Variants in PIK3CB observed in about 807,000 individuals in gnomAD.
The protein encoded by PIK3CB is phosphatidylinositol 4,5-bisphosphate 3-kinase catalytic subunit beta isoform.
PIK3CB carries 39 observed loss-of-function variants against 136.8 expected under a neutral mutation model. The ratio of observed to expected loss-of-function variants is 0.29; its 90% confidence interval spans 0.22 to 0.37. The LOEUF (loss-of-function observed/expected upper bound fraction) is 0.37. Among genes scored for constraint, PIK3CB ranks in the 10% least tolerant of loss-of-function variants. PIK3CB has a pLI of 1.00. For missense variants in PIK3CB, 868 were observed against 1,275.4 expected, an observed-to-expected ratio of 0.68 and a Z score of 4.87; for synonymous variants, 428 against 436.6, an observed-to-expected ratio of 0.98 and a Z score of 0.25.
At chr3:138,719,823 T>C (rs377548150) in intron 8 of PIK3CB, among the ~76,000 whole-genome samples, 15 of 152,280 alleles carry the variant, frequency 9.9e-5, no homozygotes, top group African/African-American at 3.1e-4. Flanking sequence ...TATGATATTA[T>C]ATACTCAACA....
intron 10 of PIK3CB, among the ~76,000 whole-genome samples, chr3:138,709,465 G>A (rs1031661049): frequency 5.3e-5 from 8 of 151,952 alleles, no homozygotes; most frequent in African/African-American, 1.9e-4. Flanking sequence ...AACAGGAATC[G>A]ACATTTGTAT....
intron 21 of PIK3CB, among the ~76,000 whole-genome samples, chr3:138,661,566 A>G (rs1434963697): frequency 2.6e-5 from 4 of 152,270 alleles, no homozygotes; most frequent in Non-Finnish European, 5.9e-5. Flanking sequence ...GTGTAAAAGA[A>G]GAAAATGGAG....
intron 1 of PIK3CB, among the ~76,000 whole-genome samples, chr3:138,817,494 C>A (rs1166282051): frequency 1.3e-5 from 2 of 152,034 alleles, no homozygotes; most frequent in Admixed American, 1.3e-4. Flanking sequence ...CTAGCCTGGG[C>A]AACAAGAGTG....
chr3:138,791,556 T>C (rs2046048044), intron 2 of PIK3CB, among the ~76,000 whole-genome samples: 1 of 152,180 alleles, frequency 6.6e-6, no homozygotes, highest in Non-Finnish European at 1.5e-5. Flanking sequence ...GGCCTGACTC[T>C]GGTCTACAAC....
At chr3:138,749,093 T>C (rs761773635) in intron 4 of PIK3CB, among the ~76,000 whole-genome samples, 4 of 152,298 alleles carry the variant, frequency 2.6e-5, no homozygotes, top group Non-Finnish European at 5.9e-5. Flanking sequence ...TTACTCTAAA[T>C]TAGCTATGAA....
At chr3:138,745,467 T>A (rs2045334826) in intron 4 of PIK3CB, among the ~76,000 whole-genome samples, 1 of 152,096 alleles carries the variant, frequency 6.6e-6, no homozygotes, top group South Asian at 2.1e-4. Flanking sequence ...ACCCCATCTC[T>A]ATTAAAAACA....
At position 138,714,520 on chromosome 3, in the gene PIK3CB, G is replaced by A. The variant is rs143122477; in HGVS notation, c.1250C>T (p.Thr417Met). Reference protein sequence around the residue: ...VLDKVKTKKSTKTINPSKYQT... With the variant: ...VLDKVKTKKSMKTINPSKYQT... ...ATATTTAGAGGGATTAATAGTTTTCGTTGATTTCTTCGTTTTTACTTTATC... is the reference window on the plus strand; with the variant it reads ...ATATTTAGAGGGATTAATAGTTTTCATTGATTTCTTCGTTTTTACTTTATC... Residue 417 changes from threonine to methionine, a missense_variant, in exon 9 of 24, where the codon ACG (threonine) becomes ATG (methionine). Thr to Met is a moderately conservative substitution (Grantham distance 81). Around this residue, in one of 4 missense-constraint regions of PIK3CB, gnomAD observed 612 missense variants for 801.1 expected, o/e 0.76. Coordinates refer to ENST00000674063, the MANE Select transcript of PIK3CB (RefSeq NM_006219.3). 31 of 1,611,746 alleles carry A rather than the reference G, an allele frequency of 1.9e-5. No individual in the cohort carries two copies. The highest frequency in any genetic ancestry group is 4.0e-5 in the African/African-American group (3 of 74,974).
At position 138,733,343 on chromosome 3, in the gene PIK3CB, A is replaced by G; in HGVS notation, c.1050+18T>C. The G allele has an allele frequency of 7.9e-7, 1 of 1,263,332 alleles. No individual in the cohort carries two copies. Among genetic ancestry groups the G allele is most frequent in the Non-Finnish European group, 1.1e-6 (1 of 877,678 alleles). 78.3% of individuals were successfully genotyped at this position (1,263,332 alleles called of 1,614,324 possible). ...ATACTGGAGCGGATGGCAAATTCAA[A>G]TCTTAGTGGGTACTCACTTTTACAG... is the stretch of plus-strand genomic sequence containing the variant. On this transcript the variant is annotated intron_variant, in intron 8 of 23. Coordinates refer to ENST00000674063, the MANE Select transcript of PIK3CB (RefSeq NM_006219.3).
rs557270184 is a variant in PIK3CB, at chr3:138,803,373, T to C, written c.-121-6806A>G. ...ATGAGAAAACATATTTTCCTGTCTT[T>C]ATTTGCATTAGTTTCTAAATCAATA... On this transcript the variant is annotated intron_variant, in intron 1 of 23. Transcript: ENST00000674063. 5.4e-4 allele frequency among the ~76,000 whole-genome samples: 83 copies of C among 152,320 alleles called. 2 individuals carry two copies. In the South Asian group the frequency reaches 0.016, roughly 30 times the overall value.
chr3:138,759,752 G>A (rs1397168404), intron 2 of PIK3CB, among the ~76,000 whole-genome samples: 1 of 152,062 alleles, frequency 6.6e-6, no homozygotes, highest in African/African-American at 2.4e-5. Flanking sequence ...AGGGTCCTAA[G>A]AAATTTAGTT....
chr3:138,657,951 TC>T (rs1206927017), intron 21 of PIK3CB, 116 bp from the exon 22 acceptor site: 1 of 927,242 alleles, frequency 1.1e-6, no homozygotes, highest in East Asian at 2.5e-5. Flanking sequence ...TCTGAGCCCT[TC>T]TCCCTCTGTT....
intron 1 of PIK3CB, among the ~76,000 whole-genome samples, chr3:138,833,079 CTTTT>C (rs1934112034): frequency 7.0e-6 from 1 of 141,904 alleles, no homozygotes; most frequent in Non-Finnish European, 1.5e-5. Context: ...TTTTTTTTTT[CTTTT>C]TGAGACAGGG....
intron 1 of PIK3CB, among the ~76,000 whole-genome samples, chr3:138,797,851 G>A (rs2046125762): frequency 6.6e-6 from 1 of 152,064 alleles, no homozygotes; most frequent in South Asian, 2.1e-4. Context: ...TTACTCAGAG[G>A]CCAAGGTGGA....
intron 4 of PIK3CB, among the ~76,000 whole-genome samples, chr3:138,750,811 G>A (rs1275370116): frequency 6.6e-6 from 1 of 152,124 alleles, no homozygotes; most frequent in African/African-American, 2.4e-5. Context: ...CACAGTATTT[G>A]AAGGTGACCC....
At chr3:138,780,551 G>T (rs777445977) in intron 2 of PIK3CB, among the ~76,000 whole-genome samples, 1 of 152,218 alleles carries the variant, frequency 6.6e-6, no homozygotes, top group Admixed American at 6.5e-5. Context: ...TTACAGGTGT[G>T]AGCCACTGTG....
At chr3:138,714,359 A>C in intron 9 of PIK3CB, 109 bp downstream of exon 9, 4 of 636,104 alleles carry the variant, frequency 6.3e-6, no homozygotes, top group Non-Finnish European at 1.0e-5. Flanking sequence ...TCAGTTTTTA[A>C]GGATCAAAGT....
intron 18 of PIK3CB, among the ~76,000 whole-genome samples, chr3:138,683,045 ATGAATATAT>A (rs1031414450): frequency 3.3e-5 from 5 of 152,330 alleles, no homozygotes; most frequent in African/African-American, 1.2e-4. Context: ...AACAAGATGT[ATGAATATAT>A]TACTGAAAAT....
At chr3:138,809,568 T>G (rs1230659095) in intron 1 of PIK3CB, among the ~76,000 whole-genome samples, 2 of 137,980 alleles carry the variant, frequency 1.4e-5, no homozygotes, top group East Asian at 4.3e-4. Context: ...ATTGCACCAT[T>G]GCACTCCAGC....
chr3:138,824,738 G>A (rs965812536), intron 1 of PIK3CB, among the ~76,000 whole-genome samples: 1 of 151,642 alleles, frequency 6.6e-6, no homozygotes, highest in Non-Finnish European at 1.5e-5. Context: ...TTCTCGGGGA[G>A]AAGGGGGGTC....
Sources: gnomAD v4.1 joint callset for allele counts (sites outside exome capture counted in the v4.1 genomes callset) on GRCh38, gnomAD v4.1.1 for gene constraint, gnomAD v4.1.1 regional missense constraint, MANE v1.5 for transcripts, NCBI Gene and HGNC (gene_info 2026-07-23, HGNC 2026-07-21) for gene names.